The following P3H2 variants were observed in gnomAD, a reference collection of about 807,000 sequenced individuals.
The protein encoded by P3H2 is leprecan-like 1.
A neutral mutation model predicts 87.0 loss-of-function variants in P3H2; 80 were observed. The observed-to-expected ratio is 0.92, with a 90% CI of 0.77 to 1.11. The LOEUF is 1.11. Ranked by LOEUF, P3H2 falls within the 50% of genes least tolerant of loss-of-function variation. The pLI is 0.00. For synonymous variants in P3H2, 367 were observed against 359.3 expected (o/e 1.02, Z -0.24); for missense variants, 1,001 against 923.9 (o/e 1.08, Z -1.08).
chr3:190,054,828 C>T (rs1726098578), intron 1 of P3H2, among the ~76,000 whole-genome samples: 1 of 152,148 alleles, frequency 6.6e-6, no homozygotes, highest in South Asian at 2.1e-4. Flanking sequence ...ACTAAGCTTA[C>T]TACCCGCCTC....
Position 189,963,007 on chromosome 3 carries a change from C to A in P3H2, c.2034+951G>T, listed in dbSNP as rs959677925. On this transcript the variant is annotated intron_variant, in intron 14 of 14. Coordinates refer to ENST00000319332, the MANE Select transcript of P3H2 (RefSeq NM_018192.4). ...TTCCATTTCAGCGTTCCATGCTAAG[C>A]AGTTGCCTGGGCTTTGATTGGAGCC... Among the ~76,000 whole-genome samples the A allele has an allele frequency of 4.6e-5, 7 of 152,320 alleles. No individual in the cohort carries two copies. The South Asian group carries it at 1.5e-3, about 32-fold the overall frequency.
chr3:190,108,064 C>T (rs1711918624), intron 1 of P3H2, among the ~76,000 whole-genome samples: 1 of 152,100 alleles, frequency 6.6e-6, no homozygotes. Context: ...GCCTCTACCT[C>T]CCAAAGTGTT....
At chr3:190,018,198 A>G (rs1724829175) in intron 1 of P3H2, among the ~76,000 whole-genome samples, 1 of 152,194 alleles carries the variant, frequency 6.6e-6, no homozygotes, top group Non-Finnish European at 1.5e-5. Flanking sequence ...ATTGTGGTCT[A>G]CCTTGATGAA....
chr3:189,988,132 T>C (rs1412217188), intron 4 of P3H2, among the ~76,000 whole-genome samples: 2 of 152,210 alleles, frequency 1.3e-5, no homozygotes, highest in East Asian at 3.8e-4. Flanking sequence ...AAACTGGTAC[T>C]TCAATGCAAA....
intron 1 of P3H2, among the ~76,000 whole-genome samples, chr3:190,043,690 A>C (rs1353800539): frequency 6.6e-6 from 1 of 152,210 alleles, no homozygotes; most frequent in Non-Finnish European, 1.5e-5. Context: ...CGTAGTTACC[A>C]CTATCCAGAC....
chr3:189,995,817 C>T (rs1724037277), intron 1 of P3H2, among the ~76,000 whole-genome samples: 1 of 151,922 alleles, frequency 6.6e-6, no homozygotes, highest in African/African-American at 2.4e-5. Context: ...TGACATTTCT[C>T]AAAAGAAGAT....
intron 1 of P3H2, among the ~76,000 whole-genome samples, chr3:189,998,641 T>C (rs1560355482): frequency 6.6e-6 from 1 of 152,196 alleles, no homozygotes; most frequent in East Asian, 1.9e-4. Flanking sequence ...ATTTTCTACC[T>C]ATTTACATAC....
chr3:190,121,003 CGGCGGGGCTGCCAGG>C, upstream of P3H2: 1 of 483,144 alleles, frequency 2.1e-6, no homozygotes, highest in Non-Finnish European at 3.5e-6. Flanking sequence ...CCCGCTGCAG[CGGCGGGGCTGCCAGG>C]GGCGGCACAC....
intron 6 of P3H2, among the ~76,000 whole-genome samples, chr3:189,986,508 G>C (rs1432748456): frequency 6.6e-6 from 1 of 152,184 alleles, no homozygotes; most frequent in African/African-American, 2.4e-5. Context: ...AGAATTGCTT[G>C]AATCCAGGAG....
At chr3:190,049,750 A>T (rs1402272425) in intron 1 of P3H2, among the ~76,000 whole-genome samples, 22 of 152,216 alleles carry the variant, frequency 1.4e-4, no homozygotes, top group Admixed American at 1.4e-3. Context: ...ATAACCTGTC[A>T]ATACATATGG....
intron 1 of P3H2, among the ~76,000 whole-genome samples, chr3:190,035,101 A>T (rs2108950082): frequency 6.6e-6 from 1 of 152,166 alleles, no homozygotes; most frequent in African/African-American, 2.4e-5. Context: ...TGCTTGCCTC[A>T]GCATCCTGAA....
intron 1 of P3H2, among the ~76,000 whole-genome samples, chr3:190,013,456 T>A (rs1197699742): frequency 6.6e-6 from 1 of 152,240 alleles, no homozygotes; most frequent in Non-Finnish European, 1.5e-5. Flanking sequence ...CAAACTTTGA[T>A]AAGCTGAAAG....
At chr3:190,107,177 C>G (rs1711875925) in intron 1 of P3H2, among the ~76,000 whole-genome samples, 1 of 152,104 alleles carries the variant, frequency 6.6e-6, no homozygotes, top group Non-Finnish European at 1.5e-5. Flanking sequence ...CTGATTCTTC[C>G]TGCACATACA....
At chr3:190,096,337 G>C (rs1041785765) in intron 1 of P3H2, among the ~76,000 whole-genome samples, 3 of 152,190 alleles carry the variant, frequency 2.0e-5, no homozygotes, top group Admixed American at 1.3e-4. Flanking sequence ...TCTCATGATA[G>C]TGAGTGAATT....
At chr3:190,037,573 C>T (rs1250331076) in intron 1 of P3H2, among the ~76,000 whole-genome samples, 3 of 152,160 alleles carry the variant, frequency 2.0e-5, no homozygotes, top group Non-Finnish European at 4.4e-5. Context: ...TCTGTCACAT[C>T]TATTCACCTT....
At chr3:190,103,682 C>T (rs1711721395) in intron 1 of P3H2, among the ~76,000 whole-genome samples, 2 of 152,182 alleles carry the variant, frequency 1.3e-5, no homozygotes, top group Non-Finnish European at 2.9e-5. Context: ...GGAAAGAATA[C>T]TCAACAACTT....
chr3:189,964,238 A>T (rs1722906804), intron 13 of P3H2, 140 bp from the exon 14 acceptor site: 1 of 783,332 alleles, frequency 1.3e-6, no homozygotes, highest in Non-Finnish European at 2.2e-6. Context: ...AGATGATGTA[A>T]ATTATCTCAA....
chr3:190,085,481 G>T (rs557688556), intron 1 of P3H2, among the ~76,000 whole-genome samples: 17 of 152,334 alleles, frequency 1.1e-4, no homozygotes, highest in African/African-American at 4.1e-4. Flanking sequence ...CTTGACATGT[G>T]CTTGCACAAA....
intron 1 of P3H2, among the ~76,000 whole-genome samples, chr3:189,996,556 A>G (rs1265483200): frequency 6.6e-6 from 1 of 152,246 alleles, no homozygotes; most frequent in African/African-American, 2.4e-5. Flanking sequence ...CAGTAGGATA[A>G]CAATAGCTAA....
Sources: allele counts gnomAD v4.1 joint callset (sites outside exome capture counted in the v4.1 genomes callset), GRCh38; gene constraint gnomAD v4.1.1; transcripts MANE v1.5; gene names NCBI Gene and HGNC (gene_info 2026-07-23, HGNC 2026-07-21).